MCPH1: variants seen among roughly 807,000 people sequenced by gnomAD.
The protein encoded by MCPH1 is microcephalin 1.
In MCPH1, 104 loss-of-function variants were observed where a neutral mutation model predicts 84.5. The observed-to-expected ratio is 1.23, with a 90% CI of 1.05 to 1.45. The LOEUF (loss-of-function observed/expected upper bound fraction) is 1.45. Ranked by LOEUF, MCPH1 falls within the 40% of genes most tolerant of loss-of-function variation. The probability of loss-of-function intolerance (pLI) is 0.00; values close to 1 mark genes in which losing one functional copy is unlikely to be tolerated. For missense variants in MCPH1, 1,498 were observed against 1,005.7 expected, an observed-to-expected ratio of 1.49 and a Z score of -6.62; for synonymous variants, 514 against 366.8, an observed-to-expected ratio of 1.40 and a Z score of -4.58.
chr8:6,636,223 C>T (rs1797544524), intron 13 of MCPH1, among the ~76,000 whole-genome samples: 1 of 151,936 alleles, frequency 6.6e-6, no homozygotes, highest in African/African-American at 2.4e-5. Context: ...GCATGTAGTC[C>T]CAGCTACTTG....
At chr8:6,423,763 C>G (rs1250453888) in intron 3 of MCPH1, among the ~76,000 whole-genome samples, 4 of 152,086 alleles carry the variant, frequency 2.6e-5, no homozygotes, top group Admixed American at 6.5e-5. Flanking sequence ...ATAGATGCTG[C>G]CAAATTATCT....
chr8:6,431,049 C>G (rs1801762889), intron 3 of MCPH1, among the ~76,000 whole-genome samples: 1 of 152,128 alleles, frequency 6.6e-6, no homozygotes, highest in African/African-American at 2.4e-5. Context: ...ATGGTGGTGT[C>G]TGGACAGAAA....
At chr8:6,478,822 G>A (rs1404427392) in intron 10 of MCPH1, among the ~76,000 whole-genome samples, 1 of 152,156 alleles carries the variant, frequency 6.6e-6, no homozygotes, top group African/African-American at 2.4e-5. Flanking sequence ...TTCTCGGGTT[G>A]AAGTAGTGAT....
intron 7 of MCPH1, 55 bp from the exon 8 acceptor site, chr8:6,444,338 A>G: frequency 6.2e-7 from 1 of 1,605,632 alleles, no homozygotes. Context: ...TGAAAGTTGA[A>G]TATAGAATAA....
intron 11 of MCPH1, among the ~76,000 whole-genome samples, chr8:6,496,137 G>A (rs1376307889): frequency 1.3e-5 from 2 of 152,072 alleles, no homozygotes; most frequent in Admixed American, 6.5e-5. Flanking sequence ...AAAATCAGTG[G>A]GAGCCCTGAG....
chr8:6,410,602 T>C (rs1310571979), intron 2 of MCPH1, among the ~76,000 whole-genome samples: 1 of 152,196 alleles, frequency 6.6e-6, no homozygotes, highest in African/African-American at 2.4e-5. Context: ...ATAGGTATCT[T>C]TTGCCCACGC....
At chr8:6,552,818 T>C (rs1163214156) in intron 12 of MCPH1, among the ~76,000 whole-genome samples, 1 of 151,808 alleles carries the variant, frequency 6.6e-6, no homozygotes, top group Admixed American at 6.6e-5. Context: ...ATTCCTGCTT[T>C]TTTTTTTTTA....
intron 11 of MCPH1, among the ~76,000 whole-genome samples, chr8:6,493,384 G>A (rs1810873347): frequency 1.3e-5 from 2 of 152,208 alleles, no homozygotes; most frequent in South Asian, 2.1e-4. Context: ...GAATATTCAA[G>A]CCTAGGTCAA....
chr8:6,633,110 G>T (rs1209348733), intron 13 of MCPH1, among the ~76,000 whole-genome samples: 1 of 151,506 alleles, frequency 6.6e-6, no homozygotes, highest in Non-Finnish European at 1.5e-5. Context: ...AACAAATATT[G>T]AATGGTGAAA....
chr8:6,559,943 A>G (rs1347539547), intron 12 of MCPH1, among the ~76,000 whole-genome samples: 1 of 152,234 alleles, frequency 6.6e-6, no homozygotes, highest in Non-Finnish European at 1.5e-5. Context: ...GAGTTCATTC[A>G]GAAGCCTGAC....
At chr8:6,500,612 C>G (rs1162534314) in intron 12 of MCPH1, 2 of 152,318 alleles carry the variant, frequency 1.3e-5, no homozygotes, top group Non-Finnish European at 2.9e-5. Flanking sequence ...AGGAGTTGAA[C>G]TGTGCTCCCT....
chr8:6,611,697 C>T (rs956968356), intron 12 of MCPH1, among the ~76,000 whole-genome samples: 1 of 152,186 alleles, frequency 6.6e-6, no homozygotes, highest in African/African-American at 2.4e-5. Flanking sequence ...CAGCTCCCTG[C>T]AAGCTCCGCC....
intron 12 of MCPH1, among the ~76,000 whole-genome samples, chr8:6,588,962 G>C (rs1828224386): frequency 6.6e-6 from 1 of 152,230 alleles, no homozygotes. Flanking sequence ...TGGCAAGGCA[G>C]AAATTGCAGC....
At position 6,643,266 on chromosome 8, in the gene MCPH1, T is replaced by G. The variant is rs765763198; in HGVS notation, c.*217T>G. The G allele has an allele frequency of 3.5e-6, 2 of 565,848 alleles. No homozygotes were observed. Among genetic ancestry groups the G allele is most frequent in the Non-Finnish European group, 6.3e-6 (2 of 319,962 alleles). 35.1% of individuals were successfully genotyped at this position (565,848 alleles called of 1,614,324 possible). On this transcript the variant is annotated 3_prime_UTR_variant, in exon 14 of 14. Coordinates refer to ENST00000344683, the MANE Select transcript of MCPH1 (RefSeq NM_024596.5). ...ACGCTTCGGGCCTTTTTATTTTTAT[T>G]TTATTTTTTATTTTTTGAGACGGAG...
At chr8:6,484,207 C>T (rs1005924833) in intron 11 of MCPH1, among the ~76,000 whole-genome samples, 1 of 151,990 alleles carries the variant, frequency 6.6e-6, no homozygotes, top group African/African-American at 2.4e-5. Flanking sequence ...TAATACTGAA[C>T]AATAAGAAAA....
intron 9 of MCPH1, among the ~76,000 whole-genome samples, chr8:6,469,511 A>C (rs1285656007): frequency 6.6e-6 from 1 of 152,172 alleles, no homozygotes; most frequent in Non-Finnish European, 1.5e-5. Context: ...TCTATAGTCA[A>C]AATTTATATA....
At chr8:6,576,046 CT>C (rs767323461) in intron 12 of MCPH1, among the ~76,000 whole-genome samples, 8,497 of 24,536 alleles carry the variant, frequency 0.35, 414 homozygotes, top group East Asian at 0.46. Flanking sequence ...CTAATACAGC[CT>C]TAAAAAAAAA....
intron 12 of MCPH1, among the ~76,000 whole-genome samples, chr8:6,599,627 C>T (rs928177732): frequency 6.6e-6 from 1 of 152,188 alleles, no homozygotes; most frequent in African/African-American, 2.4e-5. Context: ...AAGCTTAGTA[C>T]ACACAAGTAC....
intron 4 of MCPH1, among the ~76,000 whole-genome samples, chr8:6,434,208 A>T (rs1197230497): frequency 4.6e-5 from 7 of 152,272 alleles, no homozygotes; most frequent in African/African-American, 1.7e-4. Context: ...GAGAAGATTC[A>T]CAGGACCCCA....
Sources: gnomAD v4.1 joint callset for allele counts (sites outside exome capture counted in the v4.1 genomes callset) on GRCh38, gnomAD v4.1.1 for gene constraint, MANE v1.5 for transcripts, NCBI Gene and HGNC (gene_info 2026-07-23, HGNC 2026-07-21) for gene names.